The following EXOC6B variants were observed in gnomAD, a reference collection of about 807,000 sequenced individuals.
EXOC6B encodes SEC15 homolog B.
In EXOC6B, 54 loss-of-function variants were observed where a neutral mutation model predicts 113.5. That is an observed-to-expected ratio of 0.48 (90% CI 0.38 to 0.60). The LOEUF (loss-of-function observed/expected upper bound fraction) is 0.60. Among genes scored for constraint, EXOC6B ranks in the 20% least tolerant of loss-of-function variants. The probability of loss-of-function intolerance (pLI) is 0.00; values close to 1 mark genes in which losing one functional copy is unlikely to be tolerated. For missense variants in EXOC6B, 797 were observed against 977.5 expected, an observed-to-expected ratio of 0.82 and a Z score of 2.46; for synonymous variants, 357 against 339.0, an observed-to-expected ratio of 1.05 and a Z score of -0.58.
chr2:72,746,405 C>T (rs1681697742), intron 1 of EXOC6B, among the ~76,000 whole-genome samples: 1 of 151,822 alleles, frequency 6.6e-6, no homozygotes, highest in Non-Finnish European at 1.5e-5. Context: ...TTCCAAAAAC[C>T]CCCAAATAAA....
At chr2:72,451,883 T>C (rs1696942437) in intron 18 of EXOC6B, among the ~76,000 whole-genome samples, 1 of 152,110 alleles carries the variant, frequency 6.6e-6, no homozygotes, top group Admixed American at 6.6e-5. Context: ...TACTGAAGTA[T>C]ATTAAAATTG....
At chr2:72,240,375 A>G (rs1031402652) in intron 20 of EXOC6B, among the ~76,000 whole-genome samples, 4 of 152,208 alleles carry the variant, frequency 2.6e-5, no homozygotes, top group African/African-American at 4.8e-5. Flanking sequence ...TTGAACTCCT[A>G]TTCTTGAGTA....
At chr2:72,240,552 G>A (rs1192178250) in intron 20 of EXOC6B, among the ~76,000 whole-genome samples, 1 of 152,116 alleles carries the variant, frequency 6.6e-6, no homozygotes, top group African/African-American at 2.4e-5. Context: ...AAGTTCTCTT[G>A]AGCCCGGATG....
chr2:72,653,975 T>A (rs145385077), intron 6 of EXOC6B, among the ~76,000 whole-genome samples: 14,636 of 150,568 alleles, frequency 0.097, 791 homozygotes, highest in African/African-American at 0.12. Flanking sequence ...TATTTATTTT[T>A]TTTTTTTTTT....
chr2:72,791,419 T>G (rs1684669114), intron 1 of EXOC6B, among the ~76,000 whole-genome samples: 1 of 152,054 alleles, frequency 6.6e-6, no homozygotes, highest in Admixed American at 6.5e-5. Context: ...AGTGGCACAC[T>G]CCTGTAGTCC....
chr2:72,343,601 G>T (rs1259661456), intron 19 of EXOC6B, among the ~76,000 whole-genome samples: 2 of 152,100 alleles, frequency 1.3e-5, no homozygotes, highest in Non-Finnish European at 2.9e-5. Context: ...TGCAGGGCAG[G>T]TCTGGTAGGA....
chr2:72,344,665 T>C (rs1429594384), intron 19 of EXOC6B, among the ~76,000 whole-genome samples: 2 of 152,186 alleles, frequency 1.3e-5, no homozygotes, highest in Non-Finnish European at 2.9e-5. Context: ...CAGCCTGATA[T>C]GTAAACTCAG....
chr2:72,473,879 A>G (rs1173654964), intron 17 of EXOC6B, among the ~76,000 whole-genome samples: 1 of 152,038 alleles, frequency 6.6e-6, no homozygotes, highest in East Asian at 1.9e-4. Flanking sequence ...TGTTTTCATG[A>G]TAGCAAATGT....
At chr2:72,543,841 A>C (rs993080738) in intron 8 of EXOC6B, among the ~76,000 whole-genome samples, 1 of 152,200 alleles carries the variant, frequency 6.6e-6, no homozygotes, top group African/African-American at 2.4e-5. Context: ...GGAGGCAGTA[A>C]GATATGGCAG....
At chr2:72,310,394 G>A (rs1180480661) in intron 20 of EXOC6B, among the ~76,000 whole-genome samples, 1 of 152,084 alleles carries the variant, frequency 6.6e-6, no homozygotes, top group South Asian at 2.1e-4. Flanking sequence ...ACTAATGATG[G>A]TAAGCATCTT....
intron 6 of EXOC6B, among the ~76,000 whole-genome samples, chr2:72,587,473 T>A (rs1431739969): frequency 6.6e-6 from 1 of 152,164 alleles, no homozygotes; most frequent in African/African-American, 2.4e-5. Context: ...GATACTATGC[T>A]CACTATCTGA....
At chr2:72,597,253 T>C (rs1001277808) in intron 6 of EXOC6B, among the ~76,000 whole-genome samples, 2 of 151,674 alleles carry the variant, frequency 1.3e-5, no homozygotes, top group African/African-American at 2.4e-5. Context: ...TAGGTTATTA[T>C]AGTTTATGGA....
intron 2 of EXOC6B, among the ~76,000 whole-genome samples, chr2:72,733,859 T>C (rs1196359606): frequency 6.6e-6 from 1 of 152,232 alleles, no homozygotes; most frequent in Non-Finnish European, 1.5e-5. Flanking sequence ...AAACGCTTTC[T>C]AGCCTTCCAC....
At chr2:72,711,633 T>C (rs1008018070) in intron 6 of EXOC6B, among the ~76,000 whole-genome samples, 1 of 152,000 alleles carries the variant, frequency 6.6e-6, no homozygotes, top group African/African-American at 2.4e-5. Context: ...CCACAATAAA[T>C]AATAATAAAT....
Position 72,741,402 on chromosome 2 carries a change from C to T in EXOC6B, c.181G>A (p.Asp61Asn). 6.2e-7 allele frequency: 1 copy of T among 1,613,576 alleles called. No homozygotes were observed. The highest frequency in any genetic ancestry group is 8.5e-7 in the Non-Finnish European group (1 of 1,179,818). Residue 61 changes from aspartate (D) to asparagine (N), a missense_variant, in exon 2 of 22, where the codon GAC becomes AAC. By Grantham distance (23) the Asp-to-Asn change is conservative. Transcript: ENST00000272427. Reference protein sequence around the residue: ...EKLETRIRNHDREIEKMCNFH... With the variant: ...EKLETRIRNHNREIEKMCNFH... ...TTGCACATTTTCTCAATTTCTCGGTCGTGATTACGGATACGAGTTTCAAGC... is the reference window on the plus strand; with the variant it reads ...TTGCACATTTTCTCAATTTCTCGGTTGTGATTACGGATACGAGTTTCAAGC...
chr2:72,583,902 A>G (rs988233149), intron 6 of EXOC6B, among the ~76,000 whole-genome samples: 1 of 151,792 alleles, frequency 6.6e-6, no homozygotes, highest in African/African-American at 2.4e-5. Flanking sequence ...TTGTGTTTTT[A>G]ATAGAGATGG....
Position 72,216,909 on chromosome 2 carries a change from G to C in EXOC6B, c.2197-32722C>G, listed in dbSNP as rs62147584. The stretch of plus-strand genomic sequence containing the variant: ...CACACCGGGGCCTGTTGGGGCCAGG[G>C]GCGCAAGGGGAGGGAGAGATACTTG... On this transcript the variant is annotated intron_variant, in intron 20 of 21. Transcript: ENST00000272427. Among the ~76,000 whole-genome samples, 507 of 152,006 alleles carry C rather than the reference G, an allele frequency of 3.3e-3. 2 individuals are homozygous for C. Among genetic ancestry groups the C allele is most frequent in the South Asian group, 7.3e-3 (35 of 4,792 alleles).
intron 19 of EXOC6B, among the ~76,000 whole-genome samples, chr2:72,376,614 C>A (rs1030864910): frequency 2.3e-4 from 35 of 151,990 alleles, no homozygotes; most frequent in Non-Finnish European, 4.0e-4. Context: ...TTTTCTCAAA[C>A]CTGAGAAACT....
intron 1 of EXOC6B, among the ~76,000 whole-genome samples, chr2:72,796,049 C>T (rs1684922369): frequency 6.6e-6 from 1 of 151,708 alleles, no homozygotes; most frequent in Non-Finnish European, 1.5e-5. Flanking sequence ...TCTCGAACTC[C>T]TGACATCAGG....
Sources: allele counts gnomAD v4.1 joint callset (sites outside exome capture counted in the v4.1 genomes callset), GRCh38; gene constraint gnomAD v4.1.1; transcripts MANE v1.5; gene names NCBI Gene and HGNC (gene_info 2026-07-23, HGNC 2026-07-21).